The following TTC28 variants were observed in gnomAD, a reference collection of about 807,000 sequenced individuals.
The protein encoded by TTC28 is tetratricopeptide repeat domain 28.
Under a neutral mutation model 198.0 loss-of-function variants are expected in TTC28, and 61 were observed. The observed-to-expected ratio is 0.31, with a 90% CI of 0.25 to 0.38. The LOEUF is 0.38. Ranked by LOEUF, TTC28 falls within the 10% of genes least tolerant of loss-of-function variation. TTC28 has a pLI of 1.00. For missense variants in TTC28, 2,678 were observed against 3,164.0 expected, an observed-to-expected ratio of 0.85 and a Z score of 3.69; for synonymous variants, 1,171 against 1,297.8, an observed-to-expected ratio of 0.90 and a Z score of 2.10.
intron 2 of TTC28, among the ~76,000 whole-genome samples, chr22:28,412,649 T>C (rs2047099554): frequency 6.6e-6 from 1 of 152,198 alleles, no homozygotes; most frequent in South Asian, 2.1e-4. Context: ...TTGACAAAAT[T>C]TTACTCCTCC....
chr22:28,294,730 A>G (rs1234038445), intron 5 of TTC28, among the ~76,000 whole-genome samples: 2 of 151,776 alleles, frequency 1.3e-5, no homozygotes, highest in African/African-American at 4.8e-5. Context: ...CACCACACCC[A>G]GCTAATTTTT....
At position 28,382,632 on chromosome 22, in the gene TTC28, C is replaced by A. The variant is rs557368315; in HGVS notation, c.382-75989G>T. On this transcript the variant is annotated intron_variant, in intron 2 of 22. Coordinates refer to ENST00000397906, the MANE Select transcript of TTC28 (RefSeq NM_001145418.2). ...ACATCTTCTGTGTAAACACCTTCAA[C>A]ATACTATCTTAATTATCAAAAGAAA... is the stretch of plus-strand genomic sequence containing the variant. Among the ~76,000 whole-genome samples the A allele has an allele frequency of 9.9e-5, 15 of 152,284 alleles. No individual in the cohort carries two copies. In the East Asian group the frequency reaches 2.9e-3, roughly 29 times the overall value.
intron 2 of TTC28, among the ~76,000 whole-genome samples, chr22:28,514,037 C>G (rs907395850): frequency 6.6e-6 from 1 of 151,988 alleles, no homozygotes; most frequent in African/African-American, 2.4e-5. Flanking sequence ...TAAGAAAATA[C>G]CATTTGATTT....
chr22:28,226,788 G>C (rs1928376261), intron 5 of TTC28, among the ~76,000 whole-genome samples: 1 of 152,084 alleles, frequency 6.6e-6, no homozygotes, highest in Non-Finnish European at 1.5e-5. Context: ...CCAAGTATCT[G>C]TTCAACTCTT....
chr22:28,337,534 T>C (rs2045749872), intron 2 of TTC28, among the ~76,000 whole-genome samples: 1 of 152,238 alleles, frequency 6.6e-6, no homozygotes, highest in African/African-American at 2.4e-5. Context: ...CTGTATTGGG[T>C]GCATATGTAT....
At chr22:27,996,655 G>A (rs1229292667) in intron 16 of TTC28, among the ~76,000 whole-genome samples, 3 of 152,270 alleles carry the variant, frequency 2.0e-5, no homozygotes, top group Middle Eastern at 3.4e-3. Flanking sequence ...TGGGGAGGTG[G>A]GGAGCGGCTA....
intron 2 of TTC28, among the ~76,000 whole-genome samples, chr22:28,471,272 T>C (rs887328926): frequency 6.6e-6 from 1 of 152,222 alleles, no homozygotes; most frequent in African/African-American, 2.4e-5. Flanking sequence ...GAACTCTTTG[T>C]ACCTCAATCT....
At chr22:28,507,436 G>A (rs766119630) in intron 2 of TTC28, among the ~76,000 whole-genome samples, 1 of 152,138 alleles carries the variant, frequency 6.6e-6, no homozygotes, top group Non-Finnish European at 1.5e-5. Flanking sequence ...TGACTGACTG[G>A]GGTTCCTGAA....
chr22:28,662,350 C>T lies in TTC28; in HGVS notation c.102+17272G>A, dbSNP rs570215399. Among the ~76,000 whole-genome samples, 20 of 152,290 alleles carry T rather than the reference C, an allele frequency of 1.3e-4. No homozygotes were observed. In the South Asian group the frequency reaches 4.1e-3, roughly 32 times the overall value. ...AGTGATCATACAAATCAAAGACAGT[C>T]TAAGGCAAATGGTTAAGAACAGATT... On this transcript the variant is annotated intron_variant, in intron 1 of 22. Coordinates refer to ENST00000397906, the MANE Select transcript of TTC28 (RefSeq NM_001145418.2).
chr22:28,378,495 A>G (rs992138389), intron 2 of TTC28, among the ~76,000 whole-genome samples: 1 of 152,010 alleles, frequency 6.6e-6, no homozygotes, highest in African/African-American at 2.4e-5. Flanking sequence ...CCCCATCTCT[A>G]CAAAACAATT....
chr22:28,216,662 T>C (rs1469693177), intron 5 of TTC28, among the ~76,000 whole-genome samples: 1 of 152,180 alleles, frequency 6.6e-6, no homozygotes, highest in Non-Finnish European at 1.5e-5. Context: ...AGCAATATCA[T>C]AGTCATTACT....
intron 2 of TTC28, among the ~76,000 whole-genome samples, chr22:28,576,124 T>C (rs1308563188): frequency 6.6e-6 from 1 of 152,158 alleles, no homozygotes; most frequent in Non-Finnish European, 1.5e-5. Context: ...ATACTAGCTG[T>C]AGCTCTGTTG....
chr22:28,501,388 G>T (rs1413279743), intron 2 of TTC28, among the ~76,000 whole-genome samples: 1 of 152,132 alleles, frequency 6.6e-6, no homozygotes, highest in African/African-American at 2.4e-5. Context: ...AAAATGGTAT[G>T]ACGTGTGAAG....
intron 5 of TTC28, among the ~76,000 whole-genome samples, chr22:28,236,568 T>G (rs1929263260): frequency 6.6e-6 from 1 of 152,184 alleles, no homozygotes; most frequent in African/African-American, 2.4e-5. Flanking sequence ...TGTAGTCACC[T>G]GAAGTCAAGT....
chr22:28,001,434 G>C lies in TTC28; in HGVS notation c.4338C>G (p.Leu1446=), dbSNP rs1193805814. The C allele has an allele frequency of 1.5e-5, 24 of 1,551,628 alleles. No homozygotes were observed. The highest frequency in any genetic ancestry group is 2.0e-5 in the Non-Finnish European group (23 of 1,146,988). The change falls in exon 15 of 23, where the codon CTC becomes CTG. Residue 1446 remains leucine, a synonymous_variant. Coordinates refer to ENST00000397906, the MANE Select transcript of TTC28 (RefSeq NM_001145418.2). ...LLKGSSSNEY[L]YERFGLLAVP... ...CAGCAAGGAGGCCGAAGCGCTCGTA[G>C]AGGTACTCATTGGAGGAGCTTCCCT...
intron 2 of TTC28, among the ~76,000 whole-genome samples, chr22:28,471,850 G>A (rs767315044): frequency 2.6e-5 from 4 of 152,036 alleles, no homozygotes; most frequent in Admixed American, 6.6e-5. Flanking sequence ...GCTCTTTTGC[G>A]AGGGTAAAAA....
Position 28,086,680 on chromosome 22 carries a change from T to C in TTC28, c.3932+7400A>G, listed in dbSNP as rs111450528. 3.5e-3 allele frequency among the ~76,000 whole-genome samples: 525 copies of C among 151,880 alleles called. 1 individual carries two copies. The highest frequency in any genetic ancestry group is 0.011 in the African/African-American group (471 of 41,478). On this transcript the variant is annotated intron_variant, in intron 12 of 22. Coordinates refer to ENST00000397906, the MANE Select transcript of TTC28 (RefSeq NM_001145418.2). ...ACTAAAATCAGAGCAGAACTGAAGG[T>C]AATAGAGACACAAAAAACCCTTCAA...
Position 28,401,526 on chromosome 22 carries a change from A to G in TTC28, c.382-94883T>C, listed in dbSNP as rs182890019. Among the ~76,000 whole-genome samples the G allele has an allele frequency of 2.8e-3, 427 of 152,220 alleles. 3 individuals are homozygous for G. Among genetic ancestry groups the G allele is most frequent in the Non-Finnish European group, 4.7e-3 (321 of 68,016 alleles). On this transcript the variant is annotated intron_variant, in intron 2 of 22. Transcript: ENST00000397906. The stretch of plus-strand genomic sequence containing the variant: ...AGCTACTCAGGAGGCTGAGGCGAAA[A>G]ATCACTTGAACCCAGGAGGTGGAAG...
intron 5 of TTC28, among the ~76,000 whole-genome samples, chr22:28,236,388 T>C (rs897697736): frequency 6.6e-6 from 1 of 152,218 alleles, no homozygotes; most frequent in Non-Finnish European, 1.5e-5. Flanking sequence ...ATTATTGGTG[T>C]TCGGAGTAGA....
Sources: gnomAD v4.1 joint callset for allele counts (sites outside exome capture counted in the v4.1 genomes callset) on GRCh38, gnomAD v4.1.1 for gene constraint, MANE v1.5 for transcripts, NCBI Gene and HGNC (gene_info 2026-07-23, HGNC 2026-07-21) for gene names.